CABP4: variants seen among roughly 807,000 people sequenced by gnomAD.
CABP4 encodes calcium binding protein 4.
A neutral mutation model predicts 30.7 loss-of-function variants in CABP4; 30 were observed. The observed-to-expected ratio is 0.98, with a 90% CI of 0.73 to 1.33. The LOEUF is 1.33. CABP4 is among the 40% of genes most tolerant of loss of function. CABP4 has a pLI of 0.00. For missense variants in CABP4, 424 were observed against 395.5 expected (o/e 1.07, Z -0.61); for synonymous variants, 161 against 159.2 (o/e 1.01, Z -0.08).
chr11:67,453,017 CTTTT>C, upstream of CABP4: 1 of 207,798 alleles, frequency 4.8e-6, no homozygotes, highest in Admixed American at 5.4e-5. Context: ...CTTTTCTTTT[CTTTT>C]TTTTTTTTTG....
rs766971670 is a variant in CABP4, at chr11:67,460,986, G to GAAAA, written c.*2341_*2344dup. Among the ~76,000 whole-genome samples the GAAAA allele has an allele frequency of 1.2e-5, 1 of 80,144 alleles. No individual in the cohort carries two copies. 52.6% of individuals were successfully genotyped at this position (80,144 alleles called of 152,430 possible). A position where few individuals can be genotyped will look rare whatever the true frequency, so the allele number is the denominator to read the frequency against. ...GGCTACAGAGCGAGACTCCGTCTCG[G>GAAAA]AAAAAAAAAAAAAAAAAGGTCACTG... On this transcript the variant is annotated 3_prime_UTR_variant, in exon 6 of 6. Transcript: ENST00000325656.
In CABP4 at chr11:67,460,984, CGG is replaced by C. The variant is rs1195892641; in HGVS notation, c.*2326_*2327del. Among the ~76,000 whole-genome samples, 13 of 114,728 alleles carry C rather than the reference CGG, an allele frequency of 1.1e-4. No homozygotes were observed. The highest frequency in any genetic ancestry group is 3.2e-4 in the African/African-American group (10 of 31,396). The allele number at this position is 114,728 out of a possible 152,430, so 75.3% of individuals were successfully genotyped here. A position where few individuals can be genotyped will look rare whatever the true frequency, so the allele number is the denominator to read the frequency against. On this transcript the variant is annotated 3_prime_UTR_variant, in exon 6 of 6. Coordinates refer to ENST00000325656, the MANE Select transcript of CABP4 (RefSeq NM_145200.5). The stretch of plus-strand genomic sequence containing the variant: ...TGGGCTACAGAGCGAGACTCCGTCT[CGG>C]AAAAAAAAAAAAAAAAAGGTCACTG...
chr11:67,454,660 GC>G, upstream of CABP4, among the ~76,000 whole-genome samples: 1 of 152,316 alleles, frequency 6.6e-6, no homozygotes, highest in South Asian at 2.1e-4. Flanking sequence ...TTATGGGGCT[GC>G]TTGCTGGGAA....
Position 67,458,370 on chromosome 11 carries a change from G to A in CABP4, c.652-1G>A. 1.2e-6 allele frequency: 2 copies of A among 1,604,908 alleles called. No individual in the cohort carries two copies. The highest frequency in any genetic ancestry group is 2.2e-5 in the East Asian group (1 of 44,676). ...GGGGCTGAGCTTTGCGGGGACCTTA[G>A]TTTGACAGGGACAGGGATGGACGAA... On this transcript the variant is annotated splice_acceptor_variant, in intron 4 of 5. Transcript: ENST00000325656. LOFTEE classifies it high-confidence loss of function.
rs745689349 is a variant in CABP4 at position 67,455,382 on chromosome 11, G to GC, written c.-39dup. The GC allele has an allele frequency of 5.1e-6, 8 of 1,576,256 alleles. No individual in the cohort carries two copies. The South Asian group carries it at 9.3e-5, about 18-fold the overall frequency. ...TTTATGGGTCCTGAAAGCCAAGGGT[G>GC]CCCAGGGGTGTGGTGTCTCTGAGCC... On this transcript the variant is annotated 5_prime_UTR_variant, in exon 1 of 6. An upstream open reading frame in the 5' UTR loses its in-frame stop. Transcript: ENST00000325656.
rs571674945 is a variant in CABP4 at position 67,461,702 on chromosome 11, C to G, written c.*3043C>G. 1 of 152,170 alleles carries G rather than the reference C, an allele frequency of 6.6e-6. No homozygotes were observed. The highest frequency in any genetic ancestry group is 1.5e-5 in the Non-Finnish European group (1 of 68,036). The allele number at this position is 152,170 out of a possible 1,614,324, so 9.4% of individuals were successfully genotyped here. On this transcript the variant is annotated 3_prime_UTR_variant, in exon 6 of 6. Transcript: ENST00000325656. ...AGTTTGTAGTGCAAAGTCAAGTCAA[C>G]AAATGAGTGTGGCTATATCAGAAAT...
rs141198654 is a variant in CABP4, at chr11:67,455,999, C to T, written c.367-189C>T. On this transcript the variant is annotated intron_variant, in intron 1 of 5. Coordinates refer to ENST00000325656, the MANE Select transcript of CABP4 (RefSeq NM_145200.5). The stretch of plus-strand genomic sequence containing the variant: ...CAGAGCCAGAATTCACACCAGGGCT[C>T]TGTGGGAGCTCCAGGCTCTAGGAGC... The T allele has an allele frequency of 6.4e-3, 7,833 of 1,217,840 alleles. 36 individuals are homozygous for T. Among genetic ancestry groups the T allele is most frequent in the Non-Finnish European group, 8.2e-3 (7,143 of 871,066 alleles). The allele number at this position is 1,217,840 out of a possible 1,614,324, so 75.4% of individuals were successfully genotyped here. A position where few individuals can be genotyped will look rare whatever the true frequency, so the allele number is the denominator to read the frequency against.
At position 67,457,635 on chromosome 11, in the gene CABP4, A is replaced by G. The variant is rs764599417; in HGVS notation, c.604A>G (p.Thr202Ala). 3.7e-6 allele frequency: 6 copies of G among 1,605,130 alleles called. No individual in the cohort carries two copies. The African/African-American group carries it at 8.0e-5, about 21-fold the overall frequency. ...ELIGPKLREE[T>A]AHMLGVRELR... ...GATAGGCCCAAAGCTGAGGGAGGAG[A>G]CGGCGCACATGCTGGGGGTGCGAGA... Residue 202 changes from threonine to alanine, a missense_variant, in exon 4 of 6, where the codon ACG becomes GCG. By Grantham distance (58) the Thr-to-Ala change is moderately conservative (BLOSUM62 0). Coordinates refer to ENST00000325656, the MANE Select transcript of CABP4 (RefSeq NM_145200.5).
chr11:67,454,779 G>T (rs1389172094), upstream of CABP4, among the ~76,000 whole-genome samples: 2 of 152,174 alleles, frequency 1.3e-5, no homozygotes, highest in Non-Finnish European at 2.9e-5. Flanking sequence ...CTAGCCCAGA[G>T]CAGACTCTAA....
At chr11:67,456,014 G>A in intron 1 of CABP4, 174 bp from the exon 2 acceptor site, 1 of 1,296,776 alleles carries the variant, frequency 7.7e-7, no homozygotes, top group Non-Finnish European at 1.1e-6. Flanking sequence ...GGAGCTCCAG[G>A]CTCTAGGAGC....
intron 1 of CABP4, among the ~76,000 whole-genome samples, 158 bp downstream of exon 1, chr11:67,455,947 A>T (rs1351387824): frequency 6.6e-6 from 1 of 152,052 alleles, no homozygotes; most frequent in African/African-American, 2.4e-5. Flanking sequence ...GGGGAAGGGT[A>T]GGTCTCGGGC....
rs1239512128 is a variant in CABP4, at chr11:67,459,379, C to T, written c.*720C>T. 1 of 153,432 alleles carries T rather than the reference C, an allele frequency of 6.5e-6. No homozygotes were observed. Among genetic ancestry groups the T allele is most frequent in the Non-Finnish European group, 1.4e-5 (1 of 68,988 alleles). The allele number at this position is 153,432 out of a possible 1,614,324, so 9.5% of individuals were successfully genotyped here. A position where few individuals can be genotyped will look rare whatever the true frequency, so the allele number is the denominator to read the frequency against. ...GCTTGGCCGCCTGGACTCCTACAAC[C>T]ATGAGTGACAGAAGAACCATATGAG... On this transcript the variant is annotated 3_prime_UTR_variant, in exon 6 of 6. Coordinates refer to ENST00000325656, the MANE Select transcript of CABP4 (RefSeq NM_145200.5).
chr11:67,455,627 G>T lies in CABP4; in HGVS notation c.204G>T (p.Gly68=). Residue 68 remains glycine (G), a synonymous_variant, in exon 1 of 6, where the codon GGG becomes GGT. Coordinates refer to ENST00000325656, the MANE Select transcript of CABP4 (RefSeq NM_145200.5). ...AGCAGACAGGCCCCGAGGCCCCGGG[G>T]AGCAGCAATAACCCTCCCAGCACTG... The part of the protein sequence containing the change: ...SGEQTGPEAP[G]SSNNPPSTGE... The T allele has an allele frequency of 6.2e-7, 1 of 1,609,278 alleles. No homozygotes were observed. The highest frequency in any genetic ancestry group is 1.1e-5 in the South Asian group (1 of 90,388).
rs1348986912 is a variant in CABP4 at position 67,455,715 on chromosome 11, CGACATCGTCCT to C, written c.296_306del (p.His99LeufsTer40). On this transcript the variant is annotated frameshift_variant, in exon 1 of 6. Coordinates refer to ENST00000325656, the MANE Select transcript of CABP4 (RefSeq NM_145200.5). LOFTEE classifies it high-confidence loss of function. Reference sequence around the variant, plus strand: ...GCCGGCCTCTTCTCGCCAGTCCCACCGACATCGTCCTGACTCCCTGCACGACGCTGCTCAGA... The same window carrying C: ...GCCGGCCTCTTCTCGCCAGTCCCACCGACTCCCTGCACGACGCTGCTCAGA... 3 of 1,608,258 alleles carry C rather than the reference CGACATCGTCCT, an allele frequency of 1.9e-6. No individual in the cohort carries two copies. In the African/African-American group the frequency reaches 4.0e-5, roughly 21 times the overall value.
chr11:67,457,391 A>G (rs1265400265), intron 3 of CABP4, among the ~76,000 whole-genome samples, 182 bp from the exon 4 acceptor site: 1 of 152,218 alleles, frequency 6.6e-6, no homozygotes, highest in Non-Finnish European at 1.5e-5. Context: ...GAGCAGAAGC[A>G]GCCCTGGTAC....
rs1268241044 is a variant in CABP4 at position 67,455,641 on chromosome 11, C to G, written c.218C>G (p.Pro73Arg). 2 of 1,610,106 alleles carry G rather than the reference C, an allele frequency of 1.2e-6. No individual in the cohort carries two copies. The highest frequency in any genetic ancestry group is 3.3e-5 in the Admixed American group (2 of 59,832). Reference sequence around the variant, plus strand: ...GAGGCCCCGGGGAGCAGCAATAACCCTCCCAGCACTGGAGAGGGGCCGGCG... The same window carrying G: ...GAGGCCCCGGGGAGCAGCAATAACCGTCCCAGCACTGGAGAGGGGCCGGCG... ...GPEAPGSSNN[P>R]PSTGEGPAGA... The change falls in exon 1 of 6, where the codon CCT becomes CGT. Residue 73 changes from proline (P) to arginine (R), a missense_variant. By Grantham distance (103) the Pro-to-Arg change is moderately radical. Transcript: ENST00000325656.
In CABP4 at chr11:67,460,846, G is replaced by T. The variant is rs886048579; in HGVS notation, c.*2187G>T. Among the ~76,000 whole-genome samples the T allele has an allele frequency of 6.6e-6, 1 of 152,026 alleles. No homozygotes were observed. The highest frequency in any genetic ancestry group is 6.6e-5 in the Admixed American group (1 of 15,244). ...AAATACAAAAAAAAATTAGCTGGGCGTGGTGGCGGGCGCCTGTAGTCCCAG... is the reference window on the plus strand; with the variant it reads ...AAATACAAAAAAAAATTAGCTGGGCTTGGTGGCGGGCGCCTGTAGTCCCAG... On this transcript the variant is annotated 3_prime_UTR_variant, in exon 6 of 6. Transcript: ENST00000325656.
chr11:67,452,781 G>A (rs925004429), upstream of CABP4: 3 of 1,366,708 alleles, frequency 2.2e-6, no homozygotes, highest in Admixed American at 4.7e-5. Context: ...ATCAATGATG[G>A]TGTGAATGAC....
chr11:67,460,683 A>G lies in CABP4; in HGVS notation c.*2024A>G, dbSNP rs1020840434. Among the ~76,000 whole-genome samples the G allele has an allele frequency of 3.3e-5, 5 of 151,988 alleles. No homozygotes were observed. Among genetic ancestry groups the G allele is most frequent in the African/African-American group, 1.2e-4 (5 of 41,392 alleles). ...AAAAGGATGGAAAATATTACAGGGTAGTTAAAAGTCACTGGAAGGCTGGGT... is the reference window on the plus strand; with the variant it reads ...AAAAGGATGGAAAATATTACAGGGTGGTTAAAAGTCACTGGAAGGCTGGGT... On this transcript the variant is annotated 3_prime_UTR_variant, in exon 6 of 6. Coordinates refer to ENST00000325656, the MANE Select transcript of CABP4 (RefSeq NM_145200.5).
Sources: allele counts gnomAD v4.1 joint callset (sites outside exome capture counted in the v4.1 genomes callset), GRCh38; gene constraint gnomAD v4.1.1; transcripts MANE v1.5; gene names NCBI Gene and HGNC (gene_info 2026-07-23, HGNC 2026-07-21).